Variants in KIRREL3 observed in about 807,000 individuals in gnomAD.
KIRREL3 encodes kirre like nephrin family adhesion molecule 3.
In KIRREL3, 36 loss-of-function variants were observed where a neutral mutation model predicts 89.7. The observed-to-expected ratio is 0.40, with a 90% CI of 0.31 to 0.53. The LOEUF (loss-of-function observed/expected upper bound fraction) is 0.53, where lower values mean the gene tolerates loss of function less well. Ranked by LOEUF, KIRREL3 falls within the 20% of genes least tolerant of loss-of-function variation. The pLI, the probability that KIRREL3 is intolerant of heterozygous loss-of-function variation, is 0.49. For missense variants in KIRREL3, 864 were observed against 1,056.6 expected (o/e 0.82, Z 2.53); for synonymous variants, 445 against 441.4 (o/e 1.01, Z -0.10).
chr11:126,983,468 G>A lies in KIRREL3; in HGVS notation c.55+16987C>T, dbSNP rs1316292000. On this transcript the variant is annotated intron_variant, in intron 1 of 16. Coordinates refer to ENST00000525144, the MANE Select transcript of KIRREL3 (RefSeq NM_032531.4). The surrounding 1 kb of genome is among the most constrained non-coding windows in gnomAD (Gnocchi z 4.9). The stretch of plus-strand genomic sequence containing the variant: ...ATTTTGCAGATGTAATTAAGTTAAG[G>A]TCTTGAGAGAGAGAGATTTTCCTAA... 6.6e-6 allele frequency among the ~76,000 whole-genome samples: 1 copy of A among 152,186 alleles called. No individual in the cohort carries two copies. The highest frequency in any genetic ancestry group is 1.5e-5 in the Non-Finnish European group (1 of 68,040).
intron 3 of KIRREL3, among the ~76,000 whole-genome samples, chr11:126,524,280 T>C (rs1337458125): frequency 6.6e-6 from 1 of 152,236 alleles, no homozygotes; most frequent in Non-Finnish European, 1.5e-5. Context: ...CCTGGCACAT[T>C]GTAAGTAGTC....
At position 126,555,037 on chromosome 11, in the gene KIRREL3, C is replaced by T. The variant is rs1939596453; in HGVS notation, c.133+7798G>A. Among the ~76,000 whole-genome samples, 1 of 152,166 alleles carries T rather than the reference C, an allele frequency of 6.6e-6. No individual in the cohort carries two copies. Among genetic ancestry groups the T allele is most frequent in the African/African-American group, 2.4e-5 (1 of 41,440 alleles). The stretch of plus-strand genomic sequence containing the variant: ...TCCTCATTCCGCCAAGAGCCCCTTC[C>T]ATCTCCCAATAAAATCCTCCGCATA... On this transcript the variant is annotated intron_variant, in intron 2 of 16. Transcript: ENST00000525144. This position sits in a 1 kb window ranked among gnomAD's most constrained non-coding sequence, Gnocchi z 4.2.
At chr11:126,848,256 A>T (rs1184322182) in intron 1 of KIRREL3, among the ~76,000 whole-genome samples, 33 of 152,246 alleles carry the variant, frequency 2.2e-4, no homozygotes, top group Non-Finnish European at 1.5e-5. Flanking sequence ...TTAAAAGCCT[A>T]TGTGAAATAA....
rs1945542051 is a variant in KIRREL3, at chr11:126,664,074, T to G, written c.56-101162A>C. 6.6e-6 allele frequency among the ~76,000 whole-genome samples: 1 copy of G among 152,258 alleles called. No homozygotes were observed. The highest frequency in any genetic ancestry group is 6.5e-5 in the Admixed American group (1 of 15,286). On this transcript the variant is annotated intron_variant, in intron 1 of 16. Coordinates refer to ENST00000525144, the MANE Select transcript of KIRREL3 (RefSeq NM_032531.4). This position sits in a 1 kb window ranked among gnomAD's most constrained non-coding sequence, Gnocchi z 5.4. ...CAGACTCTGCATGTTGTGGGAATTC[T>G]GCATGGCAACCTAATAGAGGCTTAG...
At position 126,782,812 on chromosome 11, in the gene KIRREL3, C is replaced by T. The variant is rs1468964728; in HGVS notation, c.55+217643G>A. On this transcript the variant is annotated intron_variant, in intron 1 of 16. Coordinates refer to ENST00000525144, the MANE Select transcript of KIRREL3 (RefSeq NM_032531.4). The surrounding 1 kb of genome is among the most constrained non-coding windows in gnomAD (Gnocchi z 4.1). The stretch of plus-strand genomic sequence containing the variant: ...GTATATGTGAGGGCTAATATACACA[C>T]AGATATTTCCCAGCTATATCTCCTG... 6.6e-6 allele frequency among the ~76,000 whole-genome samples: 1 copy of T among 152,174 alleles called. No homozygotes were observed. The highest frequency in any genetic ancestry group is 1.5e-5 in the Non-Finnish European group (1 of 68,042).
intron 1 of KIRREL3, among the ~76,000 whole-genome samples, chr11:126,674,986 G>C (rs1006650560): frequency 2.2e-4 from 33 of 152,192 alleles, no homozygotes; most frequent in African/African-American, 7.2e-4. Context: ...TTTGCCTCAC[G>C]TCAAGAGGAA....
intron 1 of KIRREL3, among the ~76,000 whole-genome samples, chr11:126,793,093 C>T (rs1950696865): frequency 6.6e-6 from 1 of 152,010 alleles, no homozygotes. Context: ...TTAACTTTTA[C>T]CTTTTTAGCT....
chr11:126,539,449 G>T (rs567095786), intron 2 of KIRREL3, among the ~76,000 whole-genome samples: 1 of 152,298 alleles, frequency 6.6e-6, no homozygotes, highest in Admixed American at 6.5e-5. Flanking sequence ...GTGATGACAG[G>T]GAGGAGGATG....
intron 2 of KIRREL3, among the ~76,000 whole-genome samples, chr11:126,554,276 C>G (rs1025629909): frequency 6.6e-6 from 1 of 152,182 alleles, no homozygotes; most frequent in Non-Finnish European, 1.5e-5. Flanking sequence ...GGTTTCATAG[C>G]AAGGCAGTAA....
chr11:126,871,385 G>A (rs778753739), intron 1 of KIRREL3, among the ~76,000 whole-genome samples: 3 of 152,164 alleles, frequency 2.0e-5, no homozygotes, highest in Non-Finnish European at 4.4e-5. Context: ...ACATTATGCT[G>A]TGTGACTTTG....
In KIRREL3 at chr11:126,556,265, G is replaced by A. The variant is rs76144374; in HGVS notation, c.133+6570C>T. 7.8e-3 allele frequency among the ~76,000 whole-genome samples: 1,194 copies of A among 152,162 alleles called. 16 individuals are homozygous for A. The highest frequency in any genetic ancestry group is 0.025 in the African/African-American group (1,032 of 41,514). On this transcript the variant is annotated intron_variant, in intron 2 of 16. Coordinates refer to ENST00000525144, the MANE Select transcript of KIRREL3 (RefSeq NM_032531.4). Reference sequence around the variant, plus strand: ...TGGTGGCATGAGATGGAGAGAGGAGGGTGGGTACAGGAGGCACTCAGGAGA... The same window carrying A: ...TGGTGGCATGAGATGGAGAGAGGAGAGTGGGTACAGGAGGCACTCAGGAGA...
At chr11:126,548,620 G>A (rs1939009792) in intron 2 of KIRREL3, among the ~76,000 whole-genome samples, 2 of 152,176 alleles carry the variant, frequency 1.3e-5, no homozygotes, top group Admixed American at 6.5e-5. Flanking sequence ...CAACCCTCCC[G>A]CTGGCACCTC....
At position 126,526,593 on chromosome 11, in the gene KIRREL3, G is replaced by T. The variant is rs1237974005; in HGVS notation, c.228C>A (p.Gly76=). The T allele has an allele frequency of 1.2e-6, 2 of 1,612,118 alleles. No homozygotes were observed. Among genetic ancestry groups the T allele is most frequent in the Non-Finnish European group, 1.7e-6 (2 of 1,179,228 alleles). ...TLLCAIPEYD[G]FVLWIKDGLA... ...AGCCGTCCTTGATCCACAGAACGAAGCCATCGTATTCGGGGATGGCGCAAA... is the reference window on the plus strand; with the variant it reads ...AGCCGTCCTTGATCCACAGAACGAATCCATCGTATTCGGGGATGGCGCAAA... Residue 76 remains glycine, a synonymous_variant, in exon 3 of 17, where the codon GGC becomes GGA. Transcript: ENST00000525144. The surrounding 1 kb of genome is among the most constrained non-coding windows in gnomAD (Gnocchi z 5.7).
Position 126,653,275 on chromosome 11 carries a change from G to A in KIRREL3, c.56-90363C>T, listed in dbSNP as rs1944979572. ...AGGATGACGGCTTTGCAGAGGCAGA[G>A]GAACGACTGACTTGCTCAGTGAAGG... On this transcript the variant is annotated intron_variant, in intron 1 of 16. Coordinates refer to ENST00000525144, the MANE Select transcript of KIRREL3 (RefSeq NM_032531.4). This position sits in a 1 kb window ranked among gnomAD's most constrained non-coding sequence, Gnocchi z 5.4. 6.6e-6 allele frequency among the ~76,000 whole-genome samples: 1 copy of A among 152,208 alleles called. No homozygotes were observed.
At chr11:126,986,392 G>T (rs977585148) in intron 1 of KIRREL3, among the ~76,000 whole-genome samples, 2 of 152,108 alleles carry the variant, frequency 1.3e-5, no homozygotes, top group African/African-American at 4.8e-5. Flanking sequence ...AATTCTCGGG[G>T]TGCATTATTA....
intron 1 of KIRREL3, among the ~76,000 whole-genome samples, chr11:126,801,827 T>C (rs796172998): frequency 9.2e-5 from 14 of 152,264 alleles, no homozygotes; most frequent in African/African-American, 3.4e-4. Context: ...TCCTAACTAC[T>C]TGGAGGATGA....
Position 126,471,061 on chromosome 11 carries a change from GAA to G in KIRREL3, c.591+2246_591+2247del, listed in dbSNP as rs1414057983. 6.6e-6 allele frequency among the ~76,000 whole-genome samples: 1 copy of G among 152,164 alleles called. No homozygotes were observed. The highest frequency in any genetic ancestry group is 2.4e-5 in the African/African-American group (1 of 41,426). ...AACAGATCAGGAGACAACTGCCGTT[GAA>G]AAGACAGTTTGCGGCCGGGCGCAGT... On this transcript the variant is annotated intron_variant, in intron 5 of 16. Coordinates refer to ENST00000525144, the MANE Select transcript of KIRREL3 (RefSeq NM_032531.4). The surrounding 1 kb of genome is among the most constrained non-coding windows in gnomAD (Gnocchi z 5.4).
rs1166799897 is a variant in KIRREL3 at position 126,938,872 on chromosome 11, T to C, written c.55+61583A>G. 2.0e-5 allele frequency among the ~76,000 whole-genome samples: 3 copies of C among 148,174 alleles called. No homozygotes were observed. In the East Asian group the frequency reaches 7.4e-4, roughly 37 times the overall value. On this transcript the variant is annotated intron_variant, in intron 1 of 16. Coordinates refer to ENST00000525144, the MANE Select transcript of KIRREL3 (RefSeq NM_032531.4). Reference sequence around the variant, plus strand: ...CTTTCTTCCAGAGAGTGGGTAACAATTAAAACACCAGTTTTTGTCAGCACC... The same window carrying C: ...CTTTCTTCCAGAGAGTGGGTAACAACTAAAACACCAGTTTTTGTCAGCACC...
chr11:126,699,444 G>A (rs1286367629), intron 1 of KIRREL3, among the ~76,000 whole-genome samples: 1 of 152,160 alleles, frequency 6.6e-6, no homozygotes, highest in African/African-American at 2.4e-5. Flanking sequence ...AATATAATGC[G>A]AGCTGCAGCT....
Sources: gnomAD v4.1 joint callset for allele counts (sites outside exome capture counted in the v4.1 genomes callset) on GRCh38, gnomAD v4.1.1 for gene constraint, Gnocchi (gnomAD v3.1) non-coding constraint, MANE v1.5 for transcripts, NCBI Gene and HGNC (gene_info 2026-07-23, HGNC 2026-07-21) for gene names.